INO80: variants seen among roughly 807,000 people sequenced by gnomAD.
INO80 encodes INO80 complex ATPase subunit.
In INO80, 20 loss-of-function variants were observed where a neutral mutation model predicts 203.4. The ratio of observed to expected loss-of-function variants is 0.10; its 90% CI spans 0.07 to 0.14. The LOEUF (loss-of-function observed/expected upper bound fraction) is 0.14, where lower values mean the gene tolerates loss of function less well. Ranked by LOEUF, INO80 falls within the 10% of genes least tolerant of loss-of-function variation. The pLI is 1.00. For missense variants in INO80, 1,419 were observed against 1,914.4 expected, an observed-to-expected ratio of 0.74 and a Z score of 4.83; for synonymous variants, 726 against 685.2, an observed-to-expected ratio of 1.06 and a Z score of -0.93.
chr15:41,045,151 G>A, intron 23 of INO80, 76 bp from the exon 24 acceptor site: 2 of 1,109,100 alleles, frequency 1.8e-6, no homozygotes, highest in Non-Finnish European at 2.5e-6. Context: ...AGCAAGGATT[G>A]TCTCTCATTA....
intron 5 of INO80, among the ~76,000 whole-genome samples, chr15:41,088,416 C>T (rs28505814): frequency 0.028 from 4,209 of 152,082 alleles, 187 homozygotes; most frequent in African/African-American, 0.096. Flanking sequence ...TTCATGCTTG[C>T]TTTTCTATTA....
intron 28 of INO80, among the ~76,000 whole-genome samples, chr15:41,002,017 G>A (rs2043965871): frequency 6.6e-6 from 1 of 152,062 alleles, no homozygotes; most frequent in South Asian, 2.1e-4. Flanking sequence ...GCATAGTCCA[G>A]ATTCTACACA....
intron 27 of INO80, among the ~76,000 whole-genome samples, chr15:41,010,368 C>T (rs1327975798): frequency 6.6e-6 from 1 of 151,988 alleles, no homozygotes; most frequent in Non-Finnish European, 1.5e-5. Context: ...TCTTCATGAT[C>T]TGTTCTGTAA....
intron 13 of INO80, 111 bp downstream of exon 13, chr15:41,070,356 A>G (rs889897032): frequency 2.1e-5 from 20 of 935,576 alleles, no homozygotes; most frequent in Non-Finnish European, 3.1e-5. Context: ...ACCCAGTCCC[A>G]CTATCTTGGA....
intron 12 of INO80, among the ~76,000 whole-genome samples, chr15:41,070,898 G>A (rs1410118126): frequency 1.3e-5 from 2 of 152,254 alleles, no homozygotes; most frequent in African/African-American, 4.8e-5. Flanking sequence ...TCAGCTGGGT[G>A]CAGTGGCTCA....
At chr15:41,016,886 G>T in intron 26 of INO80, 1 of 152,196 alleles carries the variant, frequency 6.6e-6, no homozygotes, top group Non-Finnish European at 1.5e-5. Context: ...GTAGAAACAG[G>T]GTATTGCCAT....
At chr15:41,044,047 C>T (rs1164688715) in intron 24 of INO80, among the ~76,000 whole-genome samples, 1 of 152,186 alleles carries the variant, frequency 6.6e-6, no homozygotes, top group Admixed American at 6.6e-5. Context: ...GACTGCCATT[C>T]CCAGGTGTAG....
At chr15:40,983,654 G>T (rs796972037) in intron 34 of INO80, 108 bp downstream of exon 34, 41 of 941,590 alleles carry the variant, frequency 4.4e-5, no homozygotes, top group African/African-American at 3.3e-4. Context: ...CAAAGCTATT[G>T]AAAGAATAAA....
In INO80 at chr15:41,096,200, T is replaced by A; in HGVS notation, c.111A>T (p.Gln37His). The change falls in exon 2 of 36, where the codon CAA (glutamine) becomes CAT (histidine). Residue 37 changes from glutamine to histidine, a missense_variant. By Grantham distance (24) the Gln-to-His change is conservative (BLOSUM62 0). Around this residue, in one of 9 missense-constraint regions of INO80, gnomAD observed 323 missense variants for 325.4 expected, o/e 0.99. Transcript: ENST00000648947. ...TATTCCTATTGAAGATAGCTGACGTTTGTCGCAGAAAATGGTCCAACCGGA... is the reference window on the plus strand; with the variant it reads ...TATTCCTATTGAAGATAGCTGACGTATGTCGCAGAAAATGGTCCAACCGGA... ...RALRLDHFLR[Q>H]TSAIFNRNIS... The A allele has an allele frequency of 6.2e-7, 1 of 1,611,846 alleles. No homozygotes were observed. The highest frequency in any genetic ancestry group is 8.5e-7 in the Non-Finnish European group (1 of 1,179,522).
intron 27 of INO80, among the ~76,000 whole-genome samples, chr15:41,010,276 C>A (rs2044114579): frequency 6.6e-6 from 1 of 152,106 alleles, no homozygotes; most frequent in Non-Finnish European, 1.5e-5. Context: ...ATTATGGCAA[C>A]CTTTAAGGTA....
rs1256992744 is a variant in INO80, at chr15:41,095,742, T to G, written c.313+17A>C. 8 of 1,613,604 alleles carry G rather than the reference T, an allele frequency of 5.0e-6. No individual in the cohort carries two copies. In the Admixed American group the frequency reaches 1.3e-4, roughly 27 times the overall value. ...AAGATAACGATAGTCCAAAGGGGGA[T>G]GTCACACCACACTGACCTGACTGTA... On this transcript the variant is annotated intron_variant, in intron 3 of 35. Coordinates refer to ENST00000648947, the MANE Select transcript of INO80 (RefSeq NM_017553.3).
chr15:40,997,248 A>G (rs1192922881), intron 29 of INO80, among the ~76,000 whole-genome samples: 1 of 152,222 alleles, frequency 6.6e-6, no homozygotes, highest in African/African-American at 2.4e-5. Flanking sequence ...ACTGCACTCC[A>G]GCCTGGGCAA....
chr15:40,987,230 T>A, intron 30 of INO80, 37 bp from the exon 31 acceptor site: 1 of 1,214,346 alleles, frequency 8.2e-7, no homozygotes, highest in Non-Finnish European at 1.2e-6. Context: ...CCTCCAGGCA[T>A]CCATTCCCTT....
intron 28 of INO80, chr15:41,005,319 G>T (rs1211311826): frequency 1.8e-5 from 5 of 273,844 alleles, no homozygotes; most frequent in Non-Finnish European, 3.4e-5. Context: ...ACTTAGAAAT[G>T]ATTTCTTTTA....
intron 25 of INO80, among the ~76,000 whole-genome samples, chr15:41,024,852 G>A (rs975186748): frequency 6.6e-6 from 1 of 152,144 alleles, no homozygotes; most frequent in Non-Finnish European, 1.5e-5. Flanking sequence ...CAATACAGAT[G>A]GGTTAGAAGT....
intron 27 of INO80, among the ~76,000 whole-genome samples, chr15:41,013,925 T>C (rs574950844): frequency 1.3e-5 from 2 of 152,348 alleles, no homozygotes; most frequent in Non-Finnish European, 2.9e-5. Flanking sequence ...GTTCTCAAGC[T>C]GCTTGTTTGC....
At chr15:41,075,662 G>A (rs192329376) in intron 9 of INO80, among the ~76,000 whole-genome samples, 5 of 152,242 alleles carry the variant, frequency 3.3e-5, no homozygotes, top group Admixed American at 1.3e-4. Flanking sequence ...CACTGCGTTA[G>A]CCAGGATGGT....
chr15:41,073,279 C>CTA, intron 11 of INO80, 149 bp downstream of exon 11: 2 of 654,320 alleles, frequency 3.1e-6, no homozygotes, highest in Admixed American at 2.5e-5. Flanking sequence ...GCTCCACCCC[C>CTA]TACACACAGC....
intron 4 of INO80, among the ~76,000 whole-genome samples, chr15:41,094,705 T>G (rs1370355791): frequency 1.3e-5 from 2 of 152,184 alleles, no homozygotes; most frequent in Non-Finnish European, 2.9e-5. Context: ...GTGCAAGGAC[T>G]TCATCTGATA....
Sources: allele counts gnomAD v4.1 joint callset (sites outside exome capture counted in the v4.1 genomes callset), GRCh38; gene constraint gnomAD v4.1.1; regional missense constraint gnomAD v4.1.1; transcripts MANE v1.5; gene names NCBI Gene and HGNC (gene_info 2026-07-23, HGNC 2026-07-21).